Variants in CACNG1 observed in about 807,000 individuals in gnomAD.
CACNG1 encodes the protein calcium voltage-gated channel auxiliary subunit gamma 1.
A neutral mutation model predicts 22.0 loss-of-function variants in CACNG1; 21 were observed. The observed-to-expected ratio is 0.95, with a 90% CI of 0.68 to 1.37. CACNG1 has a LOEUF of 1.37. CACNG1 is among the 40% of genes most tolerant of loss of function. The pLI is 0.00. For missense variants in CACNG1, 291 were observed against 308.6 expected (o/e 0.94, Z 0.43); for synonymous variants, 127 against 129.2 (o/e 0.98, Z 0.12).
chr17:67,044,758 C>G lies in CACNG1; in HGVS notation c.98C>G (p.Ala33Gly). Residue 33 changes from alanine (A) to glycine (G), a missense_variant, in exon 1 of 4, where the codon GCT (alanine) becomes GGT (glycine). Coordinates refer to ENST00000226021, the MANE Select transcript of CACNG1 (RefSeq NM_000727.4). The surrounding 1 kb of genome is among the most constrained non-coding windows in gnomAD (Gnocchi z 6.9). ...ACAGCCGTGGTAACCGACCACTGGG[C>G]TGTGCTGAGCCCCCACATGGAGCAC... ...AMTAVVTDHW[A>G]VLSPHMEHHN... 6.2e-7 allele frequency: 1 copy of G among 1,613,116 alleles called. No homozygotes were observed. The highest frequency in any genetic ancestry group is 1.1e-5 in the South Asian group (1 of 91,082).
intron 1 of CACNG1, among the ~76,000 whole-genome samples, chr17:67,051,748 T>C (rs573872798): frequency 2.0e-5 from 3 of 152,358 alleles, no homozygotes; most frequent in African/African-American, 4.8e-5. Context: ...AGATCATTTC[T>C]ATCCAAGCAG....
rs1341999979 is a variant in CACNG1, at chr17:67,045,522, TTC to T, written c.229+635_229+636del. 4.4e-4 allele frequency among the ~76,000 whole-genome samples: 61 copies of T among 140,164 alleles called. 2 individuals carry two copies. Among genetic ancestry groups the T allele is most frequent in the African/African-American group, 1.7e-3 (58 of 33,418 alleles). The allele number at this position is 140,164 out of a possible 152,430, so 92.0% of individuals were successfully genotyped here. A position where few individuals can be genotyped will look rare whatever the true frequency, so the allele number is the denominator to read the frequency against. ...TGTAGGTGAGCCACCTGCCCCCACCTTCTTTTTTTTTTTTTTTTTTTTTTTGA... is the reference window on the plus strand; with the variant it reads ...TGTAGGTGAGCCACCTGCCCCCACCTTTTTTTTTTTTTTTTTTTTTTTTGA... On this transcript the variant is annotated intron_variant, in intron 1 of 3. Transcript: ENST00000226021.
chr17:67,045,711 C>T (rs544427835), intron 1 of CACNG1, among the ~76,000 whole-genome samples: 3 of 152,002 alleles, frequency 2.0e-5, no homozygotes, highest in South Asian at 4.2e-4. Flanking sequence ...TCAGTAGAGA[C>T]GGGGTTTCAC....
Position 67,049,393 on chromosome 17 carries a change from G to A in CACNG1, c.229+4504G>A, listed in dbSNP as rs2035715203. Among the ~76,000 whole-genome samples, 2 of 152,168 alleles carry A rather than the reference G, an allele frequency of 1.3e-5. 1 individual carries two copies. The highest frequency in any genetic ancestry group is 4.1e-4 in the South Asian group (2 of 4,826). ...TATTTGACAAGGTAACACAGGTGAT[G>A]AGCAGAGCAGCCAGGACTCACACTC... On this transcript the variant is annotated intron_variant, in intron 1 of 3. Coordinates refer to ENST00000226021, the MANE Select transcript of CACNG1 (RefSeq NM_000727.4).
At chr17:67,049,472 A>G (rs1457607399) in intron 1 of CACNG1, among the ~76,000 whole-genome samples, 2 of 152,166 alleles carry the variant, frequency 1.3e-5, no homozygotes, top group Non-Finnish European at 1.5e-5. Flanking sequence ...ACAACAACCC[A>G]GTGAGTGGGT....
At position 67,056,304 on chromosome 17, in the gene CACNG1, T is replaced by A. The variant is rs141132419; in HGVS notation, c.*33T>A. ...GCGGCCCTAGCGACCCTCAGGCTTC[T>A]TCCCCAGGAAGCGGGGTCTTGGCCT... On this transcript the variant is annotated 3_prime_UTR_variant, in exon 4 of 4. Coordinates refer to ENST00000226021, the MANE Select transcript of CACNG1 (RefSeq NM_000727.4). The surrounding 1 kb of genome is among the most constrained non-coding windows in gnomAD (Gnocchi z 4.3). 1.2e-3 allele frequency: 1,956 copies of A among 1,592,210 alleles called. 1 individual carries two copies. Among genetic ancestry groups the A allele is most frequent in the Non-Finnish European group, 1.5e-3 (1,689 of 1,161,360 alleles).
At position 67,044,853 on chromosome 17, in the gene CACNG1, G is replaced by C. The variant is rs918445063; in HGVS notation, c.193G>C (p.Asp65His). The change falls in exon 1 of 4, where the codon GAC becomes CAC. Residue 65 changes from aspartate (D) to histidine (H), a missense_variant. Physicochemically the swap from Asp to His is moderately conservative, Grantham distance 81 (BLOSUM62 -1). Transcript: ENST00000226021. This position sits in a 1 kb window ranked among gnomAD's most constrained non-coding sequence, Gnocchi z 6.9. Reference protein sequence around the residue: ...RICTKRIPMDDSKTCGPITLP... With the variant: ...RICTKRIPMDHSKTCGPITLP... ...TTGTACCAAGCGCATCCCCATGGAC[G>C]ACAGCAAGACCTGCGGGCCCATCAC... 1 of 1,613,272 alleles carries C rather than the reference G, an allele frequency of 6.2e-7. No homozygotes were observed. Among genetic ancestry groups the C allele is most frequent in the Non-Finnish European group, 8.5e-7 (1 of 1,180,024 alleles).
chr17:67,044,728 C>A lies in CACNG1; in HGVS notation c.68C>A (p.Ala23Asp). The change falls in exon 1 of 4, where the codon GCC (alanine) becomes GAC (aspartate). Residue 23 changes from alanine to aspartate, a missense_variant. Transcript: ENST00000226021. This position sits in a 1 kb window ranked among gnomAD's most constrained non-coding sequence, Gnocchi z 6.9. Reference protein sequence around the residue: ...LFCILAGIVLAMTAVVTDHWA... With the variant: ...LFCILAGIVLDMTAVVTDHWA... ...TGCATCCTGGCAGGCATCGTGCTGG[C>A]CATGACAGCCGTGGTAACCGACCAC... The A allele has an allele frequency of 6.2e-7, 1 of 1,612,546 alleles. No homozygotes were observed. The highest frequency in any genetic ancestry group is 8.5e-7 in the Non-Finnish European group (1 of 1,179,998).
rs774414958 is a variant in CACNG1, at chr17:67,044,795, C to T, written c.135C>T (p.Thr45=). Residue 45 remains threonine (T), a synonymous_variant, in exon 1 of 4, where the codon ACC becomes ACT. Coordinates refer to ENST00000226021, the MANE Select transcript of CACNG1 (RefSeq NM_000727.4). This position sits in a 1 kb window ranked among gnomAD's most constrained non-coding sequence, Gnocchi z 6.9. ...LSPHMEHHNT[T]CEAAHFGLWR... is the part of the protein sequence containing the mutation. Reference sequence around the variant, plus strand: ...CCCACATGGAGCACCACAACACTACCTGCGAGGCGGCCCACTTCGGCCTCT... The same window carrying T: ...CCCACATGGAGCACCACAACACTACTTGCGAGGCGGCCCACTTCGGCCTCT... 11 of 1,613,430 alleles carry T rather than the reference C, an allele frequency of 6.8e-6. No homozygotes were observed. The Admixed American group carries it at 1.5e-4, about 22-fold the overall frequency.
rs368486677 is a variant in CACNG1 at position 67,056,116 on chromosome 17, G to T, written c.514G>T (p.Val172Phe). ...VKRMIDSEDT[V>F]WIEYYYSWSF... ...GCGCATGATTGACAGTGAGGACACC[G>T]TCTGGATCGAGTACTATTACTCCTG... The change falls in exon 4 of 4, where the codon GTC (valine) becomes TTC (phenylalanine). Residue 172 changes from valine (V) to phenylalanine (F), a missense_variant. Coordinates refer to ENST00000226021, the MANE Select transcript of CACNG1 (RefSeq NM_000727.4). This position sits in a 1 kb window ranked among gnomAD's most constrained non-coding sequence, Gnocchi z 4.3. The T allele has an allele frequency of 7.4e-6, 12 of 1,613,686 alleles. No individual in the cohort carries two copies. The highest frequency in any genetic ancestry group is 2.7e-5 in the African/African-American group (2 of 74,862).
At chr17:67,052,290 C>A (rs1487244349) in intron 1 of CACNG1, among the ~76,000 whole-genome samples, 6 of 152,134 alleles carry the variant, frequency 3.9e-5, no homozygotes, top group Non-Finnish European at 5.9e-5. Context: ...GCTGTTTATG[C>A]CAGGAATGGG....
At chr17:67,052,138 A>T (rs2035731501) in intron 1 of CACNG1, among the ~76,000 whole-genome samples, 1 of 152,224 alleles carries the variant, frequency 6.6e-6, no homozygotes, top group South Asian at 2.1e-4. Context: ...AATAGAAGAG[A>T]TCTGCATTAT....
intron 1 of CACNG1, among the ~76,000 whole-genome samples, chr17:67,051,292 C>G (rs1307901023): frequency 1.3e-5 from 2 of 152,160 alleles, no homozygotes; most frequent in Non-Finnish European, 2.9e-5. Flanking sequence ...ACCCTGCACC[C>G]TCTTGAGTAA....
rs561912251 is a variant in CACNG1 at position 67,044,807 on chromosome 17, C to T, written c.147C>T (p.Ala49=). The change falls in exon 1 of 4, where the codon GCC becomes GCT. Residue 49 remains alanine, a synonymous_variant. Transcript: ENST00000226021. The surrounding 1 kb of genome is among the most constrained non-coding windows in gnomAD (Gnocchi z 6.9). ...ACCACAACACTACCTGCGAGGCGGCCCACTTCGGCCTCTGGCGGATTTGTA... is the reference window on the plus strand; with the variant it reads ...ACCACAACACTACCTGCGAGGCGGCTCACTTCGGCCTCTGGCGGATTTGTA... The part of the protein sequence containing the change: ...MEHHNTTCEA[A]HFGLWRICTK... 1.9e-6 allele frequency: 3 copies of T among 1,613,498 alleles called. No individual in the cohort carries two copies. Among genetic ancestry groups the T allele is most frequent in the Admixed American group, 1.7e-5 (1 of 60,034 alleles).
In CACNG1 at chr17:67,056,080, C is replaced by G; in HGVS notation, c.478C>G (p.Gln160Glu). 6.2e-7 allele frequency: 1 copy of G among 1,612,720 alleles called. No homozygotes were observed. Among genetic ancestry groups the G allele is most frequent in the African/African-American group, 1.3e-5 (1 of 74,888 alleles). The change falls in exon 4 of 4, where the codon CAG becomes GAG. Residue 160 changes from glutamine to glutamate, a missense_variant. By Grantham distance (29) the Gln-to-Glu change is conservative. Coordinates refer to ENST00000226021, the MANE Select transcript of CACNG1 (RefSeq NM_000727.4). The surrounding 1 kb of genome is among the most constrained non-coding windows in gnomAD (Gnocchi z 4.3). ...CCTCGTCTCGGTGGAGGTCATGCGGCAGTCGGTGAAGCGCATGATTGACAG... is the reference window on the plus strand; with the variant it reads ...CCTCGTCTCGGTGGAGGTCATGCGGGAGTCGGTGAAGCGCATGATTGACAG... ...CILVSVEVMR[Q>E]SVKRMIDSED... is the part of the protein sequence containing the mutation.
Position 67,055,916 on chromosome 17 carries a change from G to GA in CACNG1, c.443-127dup. On this transcript the variant is annotated intron_variant, in intron 3 of 3. Coordinates refer to ENST00000226021, the MANE Select transcript of CACNG1 (RefSeq NM_000727.4). This position sits in a 1 kb window ranked among gnomAD's most constrained non-coding sequence, Gnocchi z 4.5. ...GGATCCTTCTGCAGGTTCCCATCTAGAACCTGCCTTGAGGCAGCTTTTCCC... is the reference window on the plus strand; with the variant it reads ...GGATCCTTCTGCAGGTTCCCATCTAGAAACCTGCCTTGAGGCAGCTTTTCCC... 1 of 687,600 alleles carries GA rather than the reference G, an allele frequency of 1.5e-6. No homozygotes were observed. Among genetic ancestry groups the GA allele is most frequent in the Non-Finnish European group, 2.5e-6 (1 of 398,932 alleles). 42.6% of individuals were successfully genotyped at this position (687,600 alleles called of 1,614,324 possible). A position where few individuals can be genotyped will look rare whatever the true frequency, so the allele number is the denominator to read the frequency against.
At position 67,054,869 on chromosome 17, in the gene CACNG1, C is replaced by T. The variant is rs961165197; in HGVS notation, c.305-234C>T. On this transcript the variant is annotated intron_variant, in intron 2 of 3. Transcript: ENST00000226021. The surrounding 1 kb of genome is among the most constrained non-coding windows in gnomAD (Gnocchi z 4.6). ...ACACGTACAATGACAGACACAGAGA[C>T]ACACACTGACACATATGCATGACAC... 6.6e-6 allele frequency among the ~76,000 whole-genome samples: 1 copy of T among 151,350 alleles called. No homozygotes were observed. The highest frequency in any genetic ancestry group is 2.4e-5 in the African/African-American group (1 of 41,132).
In CACNG1 at chr17:67,055,008, GACAC is replaced by G. The variant is rs1294033088; in HGVS notation, c.305-88_305-85del. 2.3e-6 allele frequency: 3 copies of G among 1,303,064 alleles called. No individual in the cohort carries two copies. The highest frequency in any genetic ancestry group is 2.4e-5 in the East Asian group (1 of 42,168). The allele number at this position is 1,303,064 out of a possible 1,614,324, so 80.7% of individuals were successfully genotyped here. A position where few individuals can be genotyped will look rare whatever the true frequency, so the allele number is the denominator to read the frequency against. On this transcript the variant is annotated intron_variant, in intron 2 of 3. Coordinates refer to ENST00000226021, the MANE Select transcript of CACNG1 (RefSeq NM_000727.4). The surrounding 1 kb of genome is among the most constrained non-coding windows in gnomAD (Gnocchi z 4.5). ...ACACACAATGACACACACAGACACT[GACAC>G]ACACACTGTGGTGCATGGTGTGGTC...
rs1161963735 is a variant in CACNG1, at chr17:67,055,959, C to T, written c.443-86C>T. On this transcript the variant is annotated intron_variant, in intron 3 of 3. Transcript: ENST00000226021. The surrounding 1 kb of genome is among the most constrained non-coding windows in gnomAD (Gnocchi z 4.5). ...CTTTTCCCCCAAGGCAAGGTCACCG[C>T]CTCCTCCATGCACACAGGCTGGGAT... 1.4e-5 allele frequency: 16 copies of T among 1,106,590 alleles called. No homozygotes were observed. The highest frequency in any genetic ancestry group is 2.0e-5 in the Non-Finnish European group (15 of 750,394). 68.5% of individuals were successfully genotyped at this position (1,106,590 alleles called of 1,614,324 possible).
Sources: allele counts gnomAD v4.1 joint callset (sites outside exome capture counted in the v4.1 genomes callset), GRCh38; gene constraint gnomAD v4.1.1; non-coding constraint Gnocchi (gnomAD v3.1); transcripts MANE v1.5; gene names NCBI Gene and HGNC (gene_info 2026-07-23, HGNC 2026-07-21).